The following KIF2A variants were observed in gnomAD, a reference collection of about 807,000 sequenced individuals.
The protein encoded by KIF2A is kinesin family member 2A, also known as kinesin-like protein KIF2A.
Under a neutral mutation model 100.2 loss-of-function variants are expected in KIF2A, and 22 were observed. The observed-to-expected ratio is 0.22, with a 90% CI of 0.16 to 0.31. The LOEUF (loss-of-function observed/expected upper bound fraction) is 0.31. Ranked by LOEUF, KIF2A falls within the 10% of genes least tolerant of loss-of-function variation. The pLI is 1.00. For synonymous variants in KIF2A, 268 were observed against 285.9 expected, an observed-to-expected ratio of 0.94 and a Z score of 0.63; for missense variants, 495 against 898.7, an observed-to-expected ratio of 0.55 and a Z score of 5.74.
chr5:62,363,140 T>A, intron 12 of KIF2A, 38 bp from the exon 13 acceptor site: 1 of 1,541,678 alleles, frequency 6.5e-7, no homozygotes, highest in Non-Finnish European at 8.8e-7. Flanking sequence ...TTTTTTACTT[T>A]AAAGCTAGTT....
chr5:62,334,026 A>G (rs1298542267), intron 1 of KIF2A, among the ~76,000 whole-genome samples: 1 of 152,094 alleles, frequency 6.6e-6, no homozygotes, highest in African/African-American at 2.4e-5. Context: ...CCCGGTCCTA[A>G]TGAAGTCCCT....
At chr5:62,384,959 A>G (rs780803374) in intron 20 of KIF2A, among the ~76,000 whole-genome samples, 1 of 152,198 alleles carries the variant, frequency 6.6e-6, no homozygotes, top group Non-Finnish European at 1.5e-5. Context: ...CATGGCCAAC[A>G]TGGTAAAACC....
At chr5:62,313,963 T>G (rs1268598109) in intron 1 of KIF2A, among the ~76,000 whole-genome samples, 1 of 152,018 alleles carries the variant, frequency 6.6e-6, no homozygotes, top group Admixed American at 6.6e-5. Context: ...AGCTAATTTT[T>G]GTATTGTTTG....
intron 8 of KIF2A, among the ~76,000 whole-genome samples, 175 bp downstream of exon 8, chr5:62,357,920 A>G (rs984316095): frequency 5.3e-5 from 8 of 152,178 alleles, no homozygotes; most frequent in Non-Finnish European, 1.2e-4. Flanking sequence ...GCTCTGAATC[A>G]TTGCCATTCC....
chr5:62,361,707 A>T (rs973023341), intron 11 of KIF2A, among the ~76,000 whole-genome samples, 178 bp downstream of exon 11: 7 of 146,574 alleles, frequency 4.8e-5, no homozygotes, highest in South Asian at 4.3e-4. Flanking sequence ...ATTCACAATA[A>T]TTTTTTTTTT....
intron 14 of KIF2A, among the ~76,000 whole-genome samples, chr5:62,364,913 G>A (rs1445639386): frequency 6.6e-6 from 1 of 152,080 alleles, no homozygotes; most frequent in East Asian, 1.9e-4. Context: ...TGGTCAGCAT[G>A]GTGAAACCCC....
intron 1 of KIF2A, among the ~76,000 whole-genome samples, chr5:62,319,186 A>ACAG (rs1367720917): frequency 1.3e-5 from 2 of 151,852 alleles, no homozygotes; most frequent in Non-Finnish European, 2.9e-5. Context: ...AACAACAACA[A>ACAG]CAAAAAACCC....
chr5:62,382,710 T>C (rs1741827718), intron 20 of KIF2A, among the ~76,000 whole-genome samples: 1 of 149,134 alleles, frequency 6.7e-6, no homozygotes, highest in Admixed American at 6.8e-5. Flanking sequence ...CTCAGCTCAA[T>C]GCAACCTCTA....
chr5:62,344,675 G>A (rs1392809201), intron 1 of KIF2A, among the ~76,000 whole-genome samples: 1 of 152,142 alleles, frequency 6.6e-6, no homozygotes. Context: ...CAGATATTCA[G>A]TGCAGCATCT....
chr5:62,360,580 G>C (rs1748355068), intron 9 of KIF2A, among the ~76,000 whole-genome samples: 1 of 152,226 alleles, frequency 6.6e-6, no homozygotes, highest in South Asian at 2.1e-4. Flanking sequence ...AGCTACTCGG[G>C]AGGCTGAGGC....
intron 1 of KIF2A, among the ~76,000 whole-genome samples, chr5:62,325,649 G>A (rs1746338284): frequency 6.6e-6 from 1 of 152,160 alleles, no homozygotes; most frequent in Non-Finnish European, 1.5e-5. Context: ...AATAACAGAT[G>A]TTGGCCAGGT....
At chr5:62,374,416 G>A (rs183645480) in intron 18 of KIF2A, among the ~76,000 whole-genome samples, 45 of 152,172 alleles carry the variant, frequency 3.0e-4, no homozygotes, top group Admixed American at 5.2e-4. Flanking sequence ...GCCCTTTAAG[G>A]AAGTTTCCAA....
intron 1 of KIF2A, among the ~76,000 whole-genome samples, chr5:62,315,651 G>A (rs1338111768): frequency 1.3e-5 from 2 of 152,198 alleles, no homozygotes; most frequent in African/African-American, 4.8e-5. Flanking sequence ...GATAAGGGAG[G>A]AGGGGTAATC....
intron 10 of KIF2A, 40 bp from the exon 11 acceptor site, chr5:62,361,426 C>T: frequency 6.9e-7 from 1 of 1,449,366 alleles, no homozygotes; most frequent in Non-Finnish European, 9.7e-7. Flanking sequence ...AGAGTTATTC[C>T]TGAGTAATGT....
At chr5:62,380,656 G>A (rs1433726484) in intron 19 of KIF2A, among the ~76,000 whole-genome samples, 2 of 152,142 alleles carry the variant, frequency 1.3e-5, no homozygotes, top group African/African-American at 2.4e-5. Context: ...GTGATATAAG[G>A]TATTCTTACC....
rs1229321047 is a variant in KIF2A at position 62,310,592 on chromosome 5, T to TAGTA, written c.64+4056_64+4057insAGTA. Among the ~76,000 whole-genome samples, 792 of 152,338 alleles carry TAGTA rather than the reference T, an allele frequency of 5.2e-3. 8 individuals are homozygous for TAGTA. Among genetic ancestry groups the TAGTA allele is most frequent in the African/African-American group, 0.018 (745 of 41,562 alleles). On this transcript the variant is annotated intron_variant, in intron 1 of 20. Transcript: ENST00000407818. ...CCTACTCTGGCCCTCTACTTCCCGC[T>TAGTA]GGCCTGTTAGTCAGGAACTACAGCG...
At chr5:62,362,722 T>A (rs967546759) in intron 12 of KIF2A, among the ~76,000 whole-genome samples, 181 bp downstream of exon 12, 3 of 152,336 alleles carry the variant, frequency 2.0e-5, no homozygotes, top group Middle Eastern at 3.4e-3. Context: ...GAGATTTTTT[T>A]AAAAAGTCCT....
intron 13 of KIF2A, 81 bp from the exon 14 acceptor site, chr5:62,363,611 CTGT>C (rs766077033): frequency 4.1e-6 from 5 of 1,211,132 alleles, no homozygotes; most frequent in East Asian, 2.3e-5. Flanking sequence ...GTTTTTGCTG[CTGT>C]TGTTTTTAAT....
intron 1 of KIF2A, among the ~76,000 whole-genome samples, chr5:62,328,528 G>A (rs979318951): frequency 2.6e-5 from 4 of 151,984 alleles, no homozygotes; most frequent in East Asian, 3.9e-4. Flanking sequence ...TTTTGCTCTC[G>A]TTGCCCAGGC....
Sources: gnomAD v4.1 joint callset for allele counts (sites outside exome capture counted in the v4.1 genomes callset) on GRCh38, gnomAD v4.1.1 for gene constraint, MANE v1.5 for transcripts, NCBI Gene and HGNC (gene_info 2026-07-23, HGNC 2026-07-21) for gene names.